DENND4C: variants seen among roughly 807,000 people sequenced by gnomAD.
The protein encoded by DENND4C is DENN domain-containing protein 4C.
DENND4C carries 108 observed loss-of-function variants against 203.0 expected under a neutral mutation model. The observed-to-expected ratio is 0.53, with a 90% CI of 0.46 to 0.62. The LOEUF (loss-of-function observed/expected upper bound fraction) is 0.62, where lower values mean the gene tolerates loss of function less well. Ranked by LOEUF, DENND4C falls within the 20% of genes least tolerant of loss-of-function variation. The pLI, the probability that DENND4C is intolerant of heterozygous loss-of-function variation, is 0.00. For synonymous variants in DENND4C, 871 were observed against 792.4 expected, an observed-to-expected ratio of 1.10 and a Z score of -1.67; for missense variants, 2,481 against 2,301.2, an observed-to-expected ratio of 1.08 and a Z score of -1.60.
At chr9:19,265,305 C>T (rs116373487) in intron 1 of DENND4C, among the ~76,000 whole-genome samples, 3,722 of 152,266 alleles carry the variant, frequency 0.024, 63 homozygotes, top group Non-Finnish European at 0.025. Context: ...GTGTAAGCCA[C>T]TGTGCTCGGC....
chr9:19,231,116 A>G (rs1191060759), intron 1 of DENND4C, among the ~76,000 whole-genome samples: 1 of 152,172 alleles, frequency 6.6e-6, no homozygotes, highest in Non-Finnish European at 1.5e-5. Context: ...CGCCGGGCCC[A>G]TGAGAATCGT....
chr9:19,269,516 A>T (rs969816522), intron 1 of DENND4C, among the ~76,000 whole-genome samples: 9 of 152,188 alleles, frequency 5.9e-5, no homozygotes, highest in African/African-American at 1.9e-4. Flanking sequence ...TATTCTGCTA[A>T]ATCAATTCTG....
At chr9:19,344,480 A>G (rs1297147958) in intron 22 of DENND4C, among the ~76,000 whole-genome samples, 2 of 152,108 alleles carry the variant, frequency 1.3e-5, no homozygotes, top group Non-Finnish European at 2.9e-5. Flanking sequence ...CCTAGGTGAC[A>G]GAGCAAGACC....
In DENND4C at chr9:19,361,929, A is replaced by T; in HGVS notation, c.5490A>T (p.Pro1830=). ...ATAATATCAACCTTCATCAGGAACC[A>T]AGAGAACCTCTGTATGTCTCATGGA... ...LWDNINLHQE[P]REPLYVSWRN... Residue 1830 remains proline (P), a synonymous_variant, in exon 30 of 33, where the codon CCA becomes CCT. Transcript: ENST00000434457. 1.9e-6 allele frequency: 3 copies of T among 1,609,500 alleles called. No individual in the cohort carries two copies. The highest frequency in any genetic ancestry group is 2.6e-6 in the Non-Finnish European group (3 of 1,175,852).
intron 3 of DENND4C, among the ~76,000 whole-genome samples, chr9:19,287,622 C>T (rs914913987): frequency 2.0e-5 from 3 of 152,208 alleles, no homozygotes; most frequent in Admixed American, 1.3e-4. Context: ...GTTGGAATTA[C>T]AGGCGTGAGC....
intron 10 of DENND4C, among the ~76,000 whole-genome samples, chr9:19,313,054 T>C (rs1259616921): frequency 2.0e-5 from 3 of 151,790 alleles, no homozygotes; most frequent in Non-Finnish European, 4.4e-5. Context: ...TCTGCTGTTA[T>C]TCTTTTCTCT....
chr9:19,237,407 A>G (rs927667959), intron 1 of DENND4C, among the ~76,000 whole-genome samples: 1 of 151,788 alleles, frequency 6.6e-6, no homozygotes, highest in East Asian at 1.9e-4. Flanking sequence ...GCTGGAGTGT[A>G]GTGGCGTGAT....
At position 19,374,248 on chromosome 9, in the gene DENND4C, TAA is replaced by T. The variant is rs1057202746; in HGVS notation, c.*2082_*2083del. Among the ~76,000 whole-genome samples the T allele has an allele frequency of 6.6e-6, 1 of 151,982 alleles. No individual in the cohort carries two copies. The highest frequency in any genetic ancestry group is 1.9e-4 in the East Asian group (1 of 5,200). The stretch of plus-strand genomic sequence containing the variant: ...TTTCACTTACTGACGCGCTTCCCAT[TAA>T]AAAAAATCTGTAAAGATCTCTACCT... On this transcript the variant is annotated 3_prime_UTR_variant, in exon 33 of 33. Coordinates refer to ENST00000434457, the MANE Select transcript of DENND4C (RefSeq NM_001330640.2).
chr9:19,308,715 T>G (rs1454755489), intron 10 of DENND4C, among the ~76,000 whole-genome samples: 1 of 152,224 alleles, frequency 6.6e-6, no homozygotes, highest in Non-Finnish European at 1.5e-5. Flanking sequence ...TTGGTTCTTG[T>G]ATATGAGATA....
At chr9:19,243,492 G>A (rs1437676816) in intron 1 of DENND4C, among the ~76,000 whole-genome samples, 2 of 152,092 alleles carry the variant, frequency 1.3e-5, no homozygotes, top group Admixed American at 1.3e-4. Context: ...AAAAGGAAAC[G>A]CTGTACCCGT....
chr9:19,336,171 G>GTGTATATA (rs1554638619), intron 18 of DENND4C, 99 bp from the exon 19 acceptor site: 169 of 912,792 alleles, frequency 1.9e-4, no homozygotes, highest in Middle Eastern at 3.9e-4. Flanking sequence ...TTATATTTGT[G>GTGTATATA]TATATATATA....
Position 19,372,328 on chromosome 9 carries a change from T to A in DENND4C, c.*155T>A. 1 of 906,594 alleles carries A rather than the reference T, an allele frequency of 1.1e-6. No homozygotes were observed. The highest frequency in any genetic ancestry group is 1.6e-6 in the Non-Finnish European group (1 of 621,830). 56.2% of individuals were successfully genotyped at this position (906,594 alleles called of 1,614,324 possible). A position where few individuals can be genotyped will look rare whatever the true frequency, so the allele number is the denominator to read the frequency against. The stretch of plus-strand genomic sequence containing the variant: ...ATAATGAATTATGATTCATATTGCA[T>A]TACCTTGAAATATGAAGTGCCATTT... On this transcript the variant is annotated 3_prime_UTR_variant, in exon 33 of 33. Coordinates refer to ENST00000434457, the MANE Select transcript of DENND4C (RefSeq NM_001330640.2).
intron 6 of DENND4C, 119 bp downstream of exon 6, chr9:19,296,365 T>A: frequency 2.2e-5 from 4 of 180,422 alleles, no homozygotes; most frequent in Non-Finnish European, 4.3e-5. Flanking sequence ...TTAACTGAAC[T>A]TTTTTTTTTT....
At chr9:19,306,562 T>G (rs1839696072) in intron 10 of DENND4C, among the ~76,000 whole-genome samples, 1 of 152,110 alleles carries the variant, frequency 6.6e-6, no homozygotes, top group African/African-American at 2.4e-5. Context: ...ATGTATTCAT[T>G]GTGGTACTTT....
At chr9:19,272,156 A>G (rs1337660030) in intron 1 of DENND4C, among the ~76,000 whole-genome samples, 1 of 151,938 alleles carries the variant, frequency 6.6e-6, no homozygotes, top group Admixed American at 6.6e-5. Flanking sequence ...ATGGTGGCTC[A>G]TGCCTATAAT....
At chr9:19,282,974 C>T (rs1018815651) in intron 2 of DENND4C, among the ~76,000 whole-genome samples, 8 of 151,958 alleles carry the variant, frequency 5.3e-5, no homozygotes, top group Non-Finnish European at 1.2e-4. Flanking sequence ...CCATCTTGAC[C>T]TCCCAAAGTG....
At chr9:19,321,093 T>TA (rs1842804177) in intron 12 of DENND4C, among the ~76,000 whole-genome samples, 4 of 152,200 alleles carry the variant, frequency 2.6e-5, no homozygotes, top group Admixed American at 1.3e-4. Flanking sequence ...CTGTAAAGGA[T>TA]ATTTCATTAG....
At chr9:19,282,721 T>C (rs1433132467) in intron 2 of DENND4C, among the ~76,000 whole-genome samples, 1 of 134,416 alleles carries the variant, frequency 7.4e-6, no homozygotes, top group Non-Finnish European at 1.6e-5. Flanking sequence ...CTCTCTTTTT[T>C]TTTTTTTTTT....
At chr9:19,277,786 G>A (rs1833181360) in intron 2 of DENND4C, among the ~76,000 whole-genome samples, 1 of 152,108 alleles carries the variant, frequency 6.6e-6, no homozygotes, top group Non-Finnish European at 1.5e-5. Context: ...GATGTTAACT[G>A]TAAATATTCC....
Sources: allele counts gnomAD v4.1 joint callset (sites outside exome capture counted in the v4.1 genomes callset), GRCh38; gene constraint gnomAD v4.1.1; transcripts MANE v1.5; gene names NCBI Gene and HGNC (gene_info 2026-07-23, HGNC 2026-07-21).